Variants in CSNK1G3 observed in about 807,000 individuals in gnomAD.
The protein encoded by CSNK1G3 is casein kinase 1 gamma 3, also known as casein kinase I isoform gamma-3.
CSNK1G3 carries 23 observed loss-of-function variants against 64.3 expected under a neutral mutation model. The ratio of observed to expected loss-of-function variants is 0.36; its 90% CI spans 0.26 to 0.51. CSNK1G3 has a LOEUF of 0.51. CSNK1G3 is among the 20% of genes least tolerant of loss of function. CSNK1G3 has a pLI of 0.96. For synonymous variants in CSNK1G3, 158 were observed against 162.2 expected, an observed-to-expected ratio of 0.97 and a Z score of 0.20; for missense variants, 357 against 510.5, an observed-to-expected ratio of 0.70 and a Z score of 2.90.
At chr5:123,595,353 G>A (rs1793223178) in intron 10 of CSNK1G3, among the ~76,000 whole-genome samples, 1 of 152,000 alleles carries the variant, frequency 6.6e-6, no homozygotes, top group Admixed American at 6.6e-5. Context: ...GTTCATTTTT[G>A]CAACTATATG....
intron 4 of CSNK1G3, among the ~76,000 whole-genome samples, chr5:123,563,887 T>C (rs1273179139): frequency 6.6e-6 from 1 of 152,180 alleles, no homozygotes; most frequent in Admixed American, 6.5e-5. Context: ...AATGAAAATA[T>C]GATATGAGTG....
intron 6 of CSNK1G3, among the ~76,000 whole-genome samples, chr5:123,578,287 A>G (rs568744633): frequency 6.6e-6 from 1 of 151,926 alleles, no homozygotes; most frequent in African/African-American, 2.4e-5. Context: ...TCAGTAATGA[A>G]TGAGAATTTT....
intron 10 of CSNK1G3, among the ~76,000 whole-genome samples, chr5:123,592,274 G>C (rs755099659): frequency 6.6e-6 from 1 of 151,824 alleles, no homozygotes; most frequent in African/African-American, 2.4e-5. Flanking sequence ...AGAATTTGAG[G>C]AATAGCAAGC....
chr5:123,553,160 T>G lies in CSNK1G3; in HGVS notation c.219+13T>G, dbSNP rs770079975. The G allele has an allele frequency of 4.8e-6, 6 of 1,242,254 alleles. No individual in the cohort carries two copies. The highest frequency in any genetic ancestry group is 5.6e-6 in the Non-Finnish European group (5 of 900,460). The allele number at this position is 1,242,254 out of a possible 1,614,324, so 77.0% of individuals were successfully genotyped here. ...GGCAATTAAGTTGGTAAGTTCCTGTTTCTTAATTTTTCTTAATGATTTCTT... is the reference window on the plus strand; with the variant it reads ...GGCAATTAAGTTGGTAAGTTCCTGTGTCTTAATTTTTCTTAATGATTTCTT... On this transcript the variant is annotated intron_variant, in intron 3 of 12. Transcript: ENST00000345990.
At chr5:123,604,888 A>C (rs1442214618) in intron 11 of CSNK1G3, 58 bp downstream of exon 12, 1 of 1,276,670 alleles carries the variant, frequency 7.8e-7, no homozygotes, top group South Asian at 1.3e-5. Flanking sequence ...TGCATGCTTG[A>C]GATTTATAGT....
chr5:123,569,829 A>G (rs1009373874), intron 4 of CSNK1G3, among the ~76,000 whole-genome samples: 11 of 152,084 alleles, frequency 7.2e-5, no homozygotes, highest in African/African-American at 2.7e-4. Context: ...ATTAATGGAA[A>G]GCATTCAATC....
At chr5:123,616,910 T>A in exon 13 of CSNK1G3, 1 of 152,202 alleles carries the variant, frequency 6.6e-6, no homozygotes. Context: ...TGTTATTTTA[T>A]GTTTTGTTTT....
intron 12 of CSNK1G3, among the ~76,000 whole-genome samples, chr5:123,606,659 T>C (rs542512757): frequency 2.0e-5 from 3 of 152,192 alleles, no homozygotes; most frequent in Non-Finnish European, 4.4e-5. Context: ...GTTTCTCATC[T>C]CTGTTCTTGG....
chr5:123,534,619 G>A (rs1344692827), intron 1 of CSNK1G3, among the ~76,000 whole-genome samples: 1 of 152,112 alleles, frequency 6.6e-6, no homozygotes, highest in African/African-American at 2.4e-5. Context: ...CCATCTGACA[G>A]CCAGCAAAAA....
chr5:123,552,149 C>G (rs1245535532), intron 2 of CSNK1G3, among the ~76,000 whole-genome samples: 1 of 106,364 alleles, frequency 9.4e-6, no homozygotes, highest in Non-Finnish European at 1.9e-5. Context: ...CGTTATGATC[C>G]TAATTTTTTT....
chr5:123,550,221 G>A (rs570401768), intron 2 of CSNK1G3, among the ~76,000 whole-genome samples: 21 of 152,256 alleles, frequency 1.4e-4, no homozygotes, highest in African/African-American at 5.1e-4. Flanking sequence ...CATTTCACAC[G>A]ACACAGACCA....
In CSNK1G3 at chr5:123,552,937, C is replaced by T. The variant is rs113338734; in HGVS notation, c.179-170C>T. The T allele has an allele frequency of 1.3e-3, 512 of 403,390 alleles. 8 individuals carry two copies. Among genetic ancestry groups the T allele is most frequent in the African/African-American group, 0.01 (480 of 47,640 alleles). The allele number at this position is 403,390 out of a possible 1,614,324, so 25.0% of individuals were successfully genotyped here. On this transcript the variant is annotated intron_variant, in intron 2 of 12. Transcript: ENST00000345990. The stretch of plus-strand genomic sequence containing the variant: ...AATCTAGGTGAAATACTAAATACAT[C>T]GAGTTGATAATAAGTTTGAATATTT...
intron 6 of CSNK1G3, among the ~76,000 whole-genome samples, chr5:123,585,768 A>G (rs2150912356): frequency 6.6e-6 from 1 of 152,352 alleles, no homozygotes; most frequent in East Asian, 1.9e-4. Flanking sequence ...CTTCATAGCC[A>G]CTAGCATGGC....
rs554052252 is a variant in CSNK1G3, at chr5:123,553,087, ATTTT to A, written c.179-14_179-11del. ...TAAAATCAATTACTGGCAGAATCTG[ATTTT>A]TTTTTCTTTTTCAAGGGAAAAATTT... is the stretch of plus-strand genomic sequence containing the variant. On this transcript the variant is annotated splice_polypyrimidine_tract_variant and intron_variant, in intron 2 of 12. Coordinates refer to ENST00000345990, the Ensembl canonical transcript of CSNK1G3. 7.6e-7 allele frequency: 1 copy of A among 1,311,074 alleles called. No homozygotes were observed. Among genetic ancestry groups the A allele is most frequent in the Admixed American group, 2.6e-5 (1 of 39,084 alleles). 81.2% of individuals were successfully genotyped at this position (1,311,074 alleles called of 1,614,324 possible).
In CSNK1G3 at chr5:123,540,809, T is replaced by A. The variant is rs531898601; in HGVS notation, c.-247-4608T>A. On this transcript the variant is annotated intron_variant, in intron 1 of 12. Transcript: ENST00000345990. ...CACCACGTCTGGCTAATTTTTGTAT[T>A]TTTAACCATGTTTAACCATGTTGGC... is the stretch of plus-strand genomic sequence containing the variant. 3.3e-5 allele frequency among the ~76,000 whole-genome samples: 5 copies of A among 152,260 alleles called. No homozygotes were observed. In the East Asian group the frequency reaches 5.8e-4, roughly 18 times the overall value.
chr5:123,588,344 T>C, intron 7 of CSNK1G3, 83 bp from the exon 8 acceptor site: 1 of 1,228,920 alleles, frequency 8.1e-7, no homozygotes, highest in Non-Finnish European at 1.2e-6. Flanking sequence ...TCCAAAGCTC[T>C]GTGATTACAG....
chr5:123,535,834 C>T (rs1780701029), intron 1 of CSNK1G3, among the ~76,000 whole-genome samples: 2 of 152,094 alleles, frequency 1.3e-5, no homozygotes. Context: ...CAATTTTAAG[C>T]TAACTCATCA....
intron 5 of CSNK1G3, among the ~76,000 whole-genome samples, chr5:123,574,163 T>G (rs1220562013): frequency 1.3e-5 from 2 of 152,182 alleles, no homozygotes. Context: ...ACATGGATTC[T>G]TAATTTTGGT....
At chr5:123,534,617 C>A (rs575755274) in intron 1 of CSNK1G3, among the ~76,000 whole-genome samples, 24 of 152,232 alleles carry the variant, frequency 1.6e-4, no homozygotes, top group African/African-American at 5.1e-4. Flanking sequence ...TTCCATCTGA[C>A]AGCCAGCAAA....
Sources: gnomAD v4.1 joint callset for allele counts (sites outside exome capture counted in the v4.1 genomes callset) on GRCh38, gnomAD v4.1.1 for gene constraint, MANE v1.5 for transcripts, NCBI Gene and HGNC (gene_info 2026-07-23, HGNC 2026-07-21) for gene names.